PPFIA2: variants seen among roughly 807,000 people sequenced by gnomAD.
The protein encoded by PPFIA2 is liprin-alpha-2.
In PPFIA2, 46 loss-of-function variants were observed where a neutral mutation model predicts 175.5. The observed-to-expected ratio is 0.26, with a 90% CI of 0.21 to 0.34. The LOEUF is 0.34. Among genes scored for constraint, PPFIA2 ranks in the 10% least tolerant of loss-of-function variants. The pLI is 1.00. For missense variants in PPFIA2, 1,179 were observed against 1,506.1 expected (o/e 0.78, Z 3.60); for synonymous variants, 568 against 511.4 (o/e 1.11, Z -1.49).
intron 4 of PPFIA2, among the ~76,000 whole-genome samples, chr12:81,527,862 T>C (rs528459855): frequency 3.9e-4 from 60 of 152,236 alleles, no homozygotes; most frequent in Middle Eastern, 3.4e-3. Context: ...GCACCACCTA[T>C]GAATGAAAAT....
intron 22 of PPFIA2, among the ~76,000 whole-genome samples, chr12:81,325,464 T>G (rs2054555761): frequency 6.6e-6 from 1 of 152,160 alleles, no homozygotes; most frequent in Admixed American, 6.6e-5. Context: ...AATCTCATTT[T>G]ATCAAACCAA....
chr12:81,605,883 C>T (rs1283139107), intron 4 of PPFIA2, among the ~76,000 whole-genome samples: 1 of 151,842 alleles, frequency 6.6e-6, no homozygotes, highest in Non-Finnish European at 1.5e-5. Flanking sequence ...TCAGGGGGTA[C>T]ATGTGCAGAT....
At chr12:81,563,964 C>T (rs2070753320) in intron 4 of PPFIA2, among the ~76,000 whole-genome samples, 1 of 152,064 alleles carries the variant, frequency 6.6e-6, no homozygotes, top group Non-Finnish European at 1.5e-5. Flanking sequence ...TACAAAAAAC[C>T]TTTAATACAT....
intron 4 of PPFIA2, among the ~76,000 whole-genome samples, chr12:81,614,066 G>A (rs940743688): frequency 1.4e-4 from 21 of 151,956 alleles, no homozygotes; most frequent in Admixed American, 9.8e-4. Flanking sequence ...CTATGAATTC[G>A]TACTGTCTAG....
At chr12:81,647,065 AG>A (rs11309241) in intron 4 of PPFIA2, among the ~76,000 whole-genome samples, 117,106 of 148,484 alleles carry the variant, frequency 0.79, 45,933 homozygotes, top group African/African-American at 0.84. Flanking sequence ...TTAAAAAAAA[AG>A]GGGGGGGGAG....
intron 4 of PPFIA2, among the ~76,000 whole-genome samples, chr12:81,621,670 G>A (rs971347723): frequency 1.3e-5 from 2 of 152,126 alleles, no homozygotes; most frequent in African/African-American, 4.8e-5. Flanking sequence ...TTGGATATGA[G>A]GGAAATAGGA....
At chr12:81,623,997 G>A (rs751337389) in intron 4 of PPFIA2, among the ~76,000 whole-genome samples, 2 of 151,652 alleles carry the variant, frequency 1.3e-5, no homozygotes, top group Non-Finnish European at 3.0e-5. Flanking sequence ...TGTACTAAAC[G>A]TTTTTTGCAA....
chr12:81,471,803 C>T (rs1369697753), intron 4 of PPFIA2, among the ~76,000 whole-genome samples: 1 of 152,126 alleles, frequency 6.6e-6, no homozygotes, highest in Non-Finnish European at 1.5e-5. Flanking sequence ...ACCTTGCCAG[C>T]ATTTGTTTTC....
chr12:81,666,489 T>A (rs543650078), intron 4 of PPFIA2, among the ~76,000 whole-genome samples: 1 of 152,256 alleles, frequency 6.6e-6, no homozygotes, highest in East Asian at 1.9e-4. Context: ...GAAACCATCA[T>A]TCTCAGCAAA....
chr12:81,482,129 GA>G (rs1007169705), intron 4 of PPFIA2, among the ~76,000 whole-genome samples: 184 of 149,666 alleles, frequency 1.2e-3, no homozygotes, highest in Non-Finnish European at 1.8e-3. Flanking sequence ...CAACAAACAT[GA>G]AAAAAAAAGC....
chr12:81,327,630 AGG>A (rs2055097715), intron 21 of PPFIA2, among the ~76,000 whole-genome samples: 1 of 152,156 alleles, frequency 6.6e-6, no homozygotes, highest in Non-Finnish European at 1.5e-5. Context: ...TCAATAAACA[AGG>A]AAAGATTTTC....
intron 7 of PPFIA2, among the ~76,000 whole-genome samples, chr12:81,424,314 A>G (rs1327462958): frequency 1.3e-5 from 2 of 152,218 alleles, no homozygotes; most frequent in Non-Finnish European, 2.9e-5. Flanking sequence ...GACATTTTGT[A>G]TTTCCTAAAA....
At chr12:81,603,825 T>TAAA (rs60363527) in intron 4 of PPFIA2, among the ~76,000 whole-genome samples, 1 of 103,320 alleles carries the variant, frequency 9.7e-6, no homozygotes, top group African/African-American at 3.6e-5. Flanking sequence ...CTATTCTGAC[T>TAAA]AAAAAAAAAA....
At chr12:81,745,784 T>C (rs993663168) in intron 3 of PPFIA2, among the ~76,000 whole-genome samples, 6 of 152,180 alleles carry the variant, frequency 3.9e-5, no homozygotes, top group African/African-American at 1.2e-4. Flanking sequence ...CCACAGCCAC[T>C]GTGGCTGCTT....
chr12:81,745,863 G>A (rs552158922), intron 3 of PPFIA2, among the ~76,000 whole-genome samples: 15 of 152,254 alleles, frequency 9.9e-5, no homozygotes, highest in African/African-American at 2.4e-4. Context: ...TGTTTTTCCC[G>A]AAGCTCTTCT....
intron 3 of PPFIA2, among the ~76,000 whole-genome samples, chr12:81,694,365 G>C (rs1487486612): frequency 6.6e-6 from 1 of 152,120 alleles, no homozygotes; most frequent in African/African-American, 2.4e-5. Flanking sequence ...GTCCTGTGCA[G>C]CCTTCTTGGC....
rs894567313 is a variant in PPFIA2, at chr12:81,353,276, G to C, written c.1837C>G (p.Pro613Ala). The C allele has an allele frequency of 1.9e-6, 3 of 1,613,558 alleles. No individual in the cohort carries two copies. The highest frequency in any genetic ancestry group is 2.7e-5 in the African/African-American group (2 of 74,882). ...TQQIGVLSSH[P>A]FESDTEMSDI... ...GACATTTCAGTGTCACTTTCAAAAG[G>C]GTGGCTGCTTAGTACTCCAATCTGT... The change falls in exon 17 of 33, where the codon CCT becomes GCT. Residue 613 changes from proline to alanine, a missense_variant. This residue lies in a region of PPFIA2 where 186 missense variants were observed against 163.6 expected (regional missense o/e 1.14). Coordinates refer to ENST00000549396, the MANE Select transcript of PPFIA2 (RefSeq NM_003625.5).
intron 4 of PPFIA2, among the ~76,000 whole-genome samples, chr12:81,596,180 T>C (rs968090206): frequency 7.9e-5 from 12 of 151,916 alleles, no homozygotes; most frequent in African/African-American, 2.9e-4. Flanking sequence ...ATTCTAATAA[T>C]CATTCAGTAT....
At chr12:81,378,585 T>G (rs1233294639) in intron 9 of PPFIA2, among the ~76,000 whole-genome samples, 1 of 152,170 alleles carries the variant, frequency 6.6e-6, no homozygotes, top group Non-Finnish European at 1.5e-5. Context: ...TGGTAGAGTT[T>G]TTATCTTAGA....
Sources: gnomAD v4.1 joint callset for allele counts (sites outside exome capture counted in the v4.1 genomes callset) on GRCh38, gnomAD v4.1.1 for gene constraint, gnomAD v4.1.1 regional missense constraint, MANE v1.5 for transcripts, NCBI Gene and HGNC (gene_info 2026-07-23, HGNC 2026-07-21) for gene names.